The following TSC1 variants were observed in gnomAD, a reference collection of about 807,000 sequenced individuals.
TSC1 encodes hamartin.
In TSC1, 20 loss-of-function variants were observed where a neutral mutation model predicts 124.3. That is an observed-to-expected ratio of 0.16 (90% CI 0.11 to 0.23). TSC1 has a LOEUF of 0.23. TSC1 is among the 10% of genes least tolerant of loss of function. The probability of loss-of-function intolerance (pLI) is 1.00; values close to 1 mark genes in which losing one functional copy is unlikely to be tolerated. For missense variants in TSC1, 1,124 were observed against 1,448.5 expected (o/e 0.78, Z 3.64); for synonymous variants, 493 against 539.1 (o/e 0.91, Z 1.19).
At chr9:132,936,980 C>T (rs543555387) in intron 1 of TSC1, among the ~76,000 whole-genome samples, 2 of 152,338 alleles carry the variant, frequency 1.3e-5, no homozygotes, top group African/African-American at 4.8e-5. Flanking sequence ...TATATTTCCA[C>T]GTGGAACACA....
At chr9:132,907,247 A>G in intron 13 of TSC1, 54 bp downstream of exon 13, 5 of 1,466,452 alleles carry the variant, frequency 3.4e-6, no homozygotes, top group Non-Finnish European at 3.8e-6. Context: ...TCTTAAACAC[A>G]TATAACCCAA....
At chr9:132,909,598 C>T (rs1326106503) in intron 12 of TSC1, among the ~76,000 whole-genome samples, 1 of 152,182 alleles carries the variant, frequency 6.6e-6, no homozygotes, top group Non-Finnish European at 1.5e-5. Context: ...TCAAATAAAA[C>T]TGGCATTCCA....
chr9:132,912,163 T>TG (rs1845998320), intron 9 of TSC1, 119 bp downstream of exon 9: 3 of 1,218,784 alleles, frequency 2.5e-6, no homozygotes, highest in Non-Finnish European at 2.3e-6. Context: ...TAAGATATTT[T>TG]GGGAAAAATC....
At chr9:132,907,497 C>CTT in intron 12 of TSC1, 127 bp from the exon 13 acceptor site, 1 of 798,922 alleles carries the variant, frequency 1.3e-6, no homozygotes, top group Non-Finnish European at 2.1e-6. Context: ...GTTTTCTTTT[C>CTT]TTTTTTTTTG....
chr9:132,900,475 C>T, intron 20 of TSC1: 1 of 538,222 alleles, frequency 1.9e-6, no homozygotes, highest in Admixed American at 2.8e-5. Flanking sequence ...TACACCTACT[C>T]TCTACCAACT....
rs886063628 is a variant in TSC1, at chr9:132,944,613, G to A, written c.-214C>T. On this transcript the variant is annotated 5_prime_UTR_variant, in exon 1 of 23. It adds an upstream start codon to the 5' untranslated region. Transcript: ENST00000298552. Reference sequence around the variant, plus strand: ...CCTACAGGGCGCCGCCATCTTGGACGTACAGCACCTCCCCCGTCGTGAAAG... The same window carrying A: ...CCTACAGGGCGCCGCCATCTTGGACATACAGCACCTCCCCCGTCGTGAAAG... 50 of 398,960 alleles carry A rather than the reference G, an allele frequency of 1.3e-4. No individual in the cohort carries two copies. The East Asian group carries it at 1.7e-3, about 13-fold the overall frequency. The allele number at this position is 398,960 out of a possible 1,614,324, so 24.7% of individuals were successfully genotyped here.
At position 132,917,791 on chromosome 9, in the gene TSC1, T is replaced by C. The variant is rs540527471; in HGVS notation, c.737+3572A>G. On this transcript the variant is annotated intron_variant, in intron 8 of 22. Coordinates refer to ENST00000298552, the MANE Select transcript of TSC1 (RefSeq NM_000368.5). Reference sequence around the variant, plus strand: ...ATCTCCCAATTCTTTTACTGAAATGTTTATTTTGGCTATCATTTTTAATTT... The same window carrying C: ...ATCTCCCAATTCTTTTACTGAAATGCTTATTTTGGCTATCATTTTTAATTT... 2.0e-5 allele frequency among the ~76,000 whole-genome samples: 3 copies of C among 152,368 alleles called. No homozygotes were observed. In the South Asian group the frequency reaches 6.2e-4, roughly 32 times the overall value.
At chr9:132,900,106 A>G (rs1845289816) in intron 20 of TSC1, 2 of 157,714 alleles carry the variant, frequency 1.3e-5, no homozygotes, top group Admixed American at 1.2e-4. Context: ...ACCCAAAAAG[A>G]AGGCCCATGT....
At position 132,891,987 on chromosome 9, in the gene TSC1, G is replaced by A. The variant is rs886063567; in HGVS notation, c.*4248C>T. The A allele has an allele frequency of 1.5e-4, 36 of 233,032 alleles. No homozygotes were observed. Among genetic ancestry groups the A allele is most frequent in the Admixed American group, 6.2e-4 (11 of 17,774 alleles). 14.4% of individuals were successfully genotyped at this position (233,032 alleles called of 1,614,324 possible). A position where few individuals can be genotyped will look rare whatever the true frequency, so the allele number is the denominator to read the frequency against. ...CAGAGGATGGATAATGTGGCGCTGC[G>A]AAGTGGGGAGGAAGCTCCTCTGCCA... On this transcript the variant is annotated 3_prime_UTR_variant, in exon 23 of 23. Transcript: ENST00000298552.
intron 4 of TSC1, chr9:132,926,754 A>C (rs1418615889): frequency 4.6e-6 from 1 of 217,160 alleles, no homozygotes; most frequent in Non-Finnish European, 9.3e-6. Context: ...AGGTCACTGC[A>C]ACCTCCGCCT....
chr9:132,910,674 G>A lies in TSC1; in HGVS notation c.1160C>T (p.Pro387Leu), dbSNP rs764150061. 1 of 1,613,932 alleles carries A rather than the reference G, an allele frequency of 6.2e-7. No homozygotes were observed. The highest frequency in any genetic ancestry group is 1.1e-5 in the South Asian group (1 of 91,078). The change falls in exon 12 of 23, where the codon CCT becomes CTT. Residue 387 changes from proline to leucine, a missense_variant. Physicochemically the swap from Pro to Leu is moderately conservative, Grantham distance 98. Coordinates refer to ENST00000298552, the MANE Select transcript of TSC1 (RefSeq NM_000368.5). ...AGGAGAGGTTGCTGGGGTTCCCAGA[G>A]GAGTTCCTTTTCCACCTGCTTAGAG... ...FGTTAGGKGTPLGTPATSPPP... is the reference protein window; with the variant it reads ...FGTTAGGKGTLLGTPATSPPP...
intron 1 of TSC1, among the ~76,000 whole-genome samples, chr9:132,942,756 T>C (rs1356320550): frequency 6.6e-6 from 1 of 152,162 alleles, no homozygotes; most frequent in Non-Finnish European, 1.5e-5. Flanking sequence ...TATAAGAGTG[T>C]TTTGGATAAG....
Position 132,912,424 on chromosome 9 carries a change from G to A in TSC1, c.771C>T (p.Ile257=), listed in dbSNP as rs1060504854. Residue 257 remains isoleucine (I), a synonymous_variant, in exon 9 of 23, where the codon ATC becomes ATT. Coordinates refer to ENST00000298552, the MANE Select transcript of TSC1 (RefSeq NM_000368.5). ...GATCCAGAGAGATTTTGGCACACTC[G>A]ATCACAACATCATGAGTTTCTAATC... ...WKRLETHDVV[I]ECAKISLDPT... is the part of the protein sequence containing the mutation. 3 of 1,613,996 alleles carry A rather than the reference G, an allele frequency of 1.9e-6. No individual in the cohort carries two copies. Among genetic ancestry groups the A allele is most frequent in the South Asian group, 1.1e-5 (1 of 91,092 alleles).
Position 132,906,786 on chromosome 9 carries a change from C to G in TSC1, c.1383G>C (p.Gly461=), listed in dbSNP as rs779981609. 3 of 1,614,168 alleles carry G rather than the reference C, an allele frequency of 1.9e-6. No homozygotes were observed. Among genetic ancestry groups the G allele is most frequent in the Non-Finnish European group, 2.5e-6 (3 of 1,180,036 alleles). ...KGSVTLSDLP[G]FLGDLASEED... ...CTTCAGAGGCCAGATCACCTAAAAA[C>G]CCTGGAAGATCACTTAGAGTGACAG... Residue 461 remains glycine, a synonymous_variant, in exon 14 of 23, where the codon GGG becomes GGC. Transcript: ENST00000298552. This position sits in a 1 kb window ranked among gnomAD's most constrained non-coding sequence, Gnocchi z 4.1.
chr9:132,901,981 A>C, intron 18 of TSC1: 1 of 386,698 alleles, frequency 2.6e-6, no homozygotes, highest in Non-Finnish European at 4.6e-6. Flanking sequence ...GGGATGCTGC[A>C]GAAAGATTCT....
At position 132,897,431 on chromosome 9, in the gene TSC1, G is replaced by A. The variant is rs1845136590; in HGVS notation, c.2805C>T (p.Leu935=). 1 of 1,614,108 alleles carries A rather than the reference G, an allele frequency of 6.2e-7. No homozygotes were observed. Among genetic ancestry groups the A allele is most frequent in the African/African-American group, 1.3e-5 (1 of 75,022 alleles). The change falls in exon 21 of 23, where the codon CTC becomes CTT. Residue 935 remains leucine, a synonymous_variant. Transcript: ENST00000298552. ...TTCCTGATGAAAGTTACCTTGCCTG[G>A]AGTTTGACATCCTCTAGATATTTCT... ...EQKKYLEDVK[L]QARGQLQAAE...
rs1431242359 is a variant in TSC1, at chr9:132,913,864, C to A, written c.738-1407G>T. Among the ~76,000 whole-genome samples the A allele has an allele frequency of 7.2e-4, 105 of 146,776 alleles. 1 individual carries two copies. Among genetic ancestry groups the A allele is most frequent in the Non-Finnish European group, 2.1e-4 (14 of 66,936 alleles). On this transcript the variant is annotated intron_variant, in intron 8 of 22. Transcript: ENST00000298552. ...AAAAAAAAGTGAGCCAATGTGCCAG[C>A]CTCCCATGGGTTTTTTGTTTTGTTT... is the stretch of plus-strand genomic sequence containing the variant.
intron 2 of TSC1, among the ~76,000 whole-genome samples, chr9:132,932,363 A>T (rs1847248111): frequency 6.6e-6 from 1 of 152,150 alleles, no homozygotes; most frequent in African/African-American, 2.4e-5. Context: ...CATCTAATCC[A>T]TCAGCAAACC....
chr9:132,906,100 T>G lies in TSC1; in HGVS notation c.1478A>C (p.Glu493Ala). The G allele has an allele frequency of 6.2e-7, 1 of 1,613,798 alleles. No homozygotes were observed. Among genetic ancestry groups the G allele is most frequent in the Non-Finnish European group, 8.5e-7 (1 of 1,179,940 alleles). ...SRELSEITTA[E>A]AEPVVPRGGF... Reference sequence around the variant, plus strand: ...TCCTCGAGGAACCACAGGCTCTGCCTCTGCTGTGGTGATCTCAGAAAGTTC... The same window carrying G: ...TCCTCGAGGAACCACAGGCTCTGCCGCTGCTGTGGTGATCTCAGAAAGTTC... Residue 493 changes from glutamate (E) to alanine (A), a missense_variant, in exon 15 of 23, where the codon GAG (glutamate) becomes GCG (alanine). Glu to Ala is a moderately radical substitution (Grantham distance 107, BLOSUM62 -1). Transcript: ENST00000298552. The surrounding 1 kb of genome is among the most constrained non-coding windows in gnomAD (Gnocchi z 4.1).
Sources: gnomAD v4.1 joint callset for allele counts (sites outside exome capture counted in the v4.1 genomes callset) on GRCh38, gnomAD v4.1.1 for gene constraint, Gnocchi (gnomAD v3.1) non-coding constraint, MANE v1.5 for transcripts, NCBI Gene and HGNC (gene_info 2026-07-23, HGNC 2026-07-21) for gene names.